Variants in PTPRD observed in about 807,000 individuals in gnomAD.
PTPRD encodes protein tyrosine phosphatase receptor type D, also known as receptor-type tyrosine-protein phosphatase delta.
Under a neutral mutation model 214.5 loss-of-function variants are expected in PTPRD, and 34 were observed. That is an observed-to-expected ratio of 0.16 (90% CI 0.12 to 0.21). PTPRD has a LOEUF of 0.21. Among genes scored for constraint, PTPRD ranks in the 10% least tolerant of loss-of-function variants. The probability of loss-of-function intolerance (pLI) is 1.00; values close to 1 mark genes in which losing one functional copy is unlikely to be tolerated. For missense variants in PTPRD, 2,545 were observed against 2,398.7 expected, an observed-to-expected ratio of 1.06 and a Z score of -1.27; for synonymous variants, 1,128 against 845.7, an observed-to-expected ratio of 1.33 and a Z score of -5.79.
At chr9:9,923,849 G>T (rs559455570) in intron 5 of PTPRD, among the ~76,000 whole-genome samples, 1 of 152,034 alleles carries the variant, frequency 6.6e-6, no homozygotes, top group Admixed American at 6.6e-5. Context: ...CAAGGAGAAT[G>T]AAGTGCGATC....
chr9:8,446,014 G>C (rs1203031910), intron 34 of PTPRD, among the ~76,000 whole-genome samples: 1 of 152,176 alleles, frequency 6.6e-6, no homozygotes, highest in South Asian at 2.1e-4. Context: ...CAGTGTCAGA[G>C]AGTGACTTGA....
chr9:9,714,997 G>C (rs369844914), intron 7 of PTPRD, among the ~76,000 whole-genome samples: 99 of 152,134 alleles, frequency 6.5e-4, no homozygotes, highest in African/African-American at 2.2e-3. Context: ...TCAGCTTTTA[G>C]GGGAAGAAGA....
chr9:9,097,777 G>A (rs1315626237), intron 10 of PTPRD, among the ~76,000 whole-genome samples: 5 of 151,750 alleles, frequency 3.3e-5, no homozygotes, highest in African/African-American at 4.8e-5. Context: ...CAGATCTTGT[G>A]AGCAGAAGAC....
intron 7 of PTPRD, among the ~76,000 whole-genome samples, chr9:9,708,285 G>C (rs2097663595): frequency 6.6e-6 from 1 of 152,006 alleles, no homozygotes; most frequent in Non-Finnish European, 1.5e-5. Context: ...CTCTCTACCT[G>C]GAGTTTCTCT....
intron 2 of PTPRD, among the ~76,000 whole-genome samples, chr9:10,488,234 G>A (rs543728079): frequency 8.1e-4 from 123 of 152,092 alleles, no homozygotes; most frequent in South Asian, 2.3e-3. Flanking sequence ...GGGCGCGGTG[G>A]CGGGCGCCTG....
At chr9:9,394,858 A>C (rs980814925) in intron 9 of PTPRD, among the ~76,000 whole-genome samples, 12 of 151,916 alleles carry the variant, frequency 7.9e-5, no homozygotes, top group Admixed American at 2.6e-4. Context: ...ATCCCTGCCC[A>C]CTCTACTCCT....
intron 2 of PTPRD, among the ~76,000 whole-genome samples, chr9:10,477,046 C>G (rs1476016662): frequency 6.6e-6 from 1 of 152,064 alleles, no homozygotes; most frequent in Non-Finnish European, 1.5e-5. Context: ...GAAACCTAGG[C>G]AATACCATTC....
chr9:9,614,194 T>G (rs2094711818), intron 7 of PTPRD, among the ~76,000 whole-genome samples: 1 of 151,956 alleles, frequency 6.6e-6, no homozygotes, highest in Non-Finnish European at 1.5e-5. Context: ...TTGCCAGAGA[T>G]TACAAAGTGG....
chr9:9,888,001 C>T (rs957362799), intron 5 of PTPRD, among the ~76,000 whole-genome samples: 8 of 152,048 alleles, frequency 5.3e-5, no homozygotes, highest in East Asian at 1.9e-4. Flanking sequence ...TGACACCTGA[C>T]GAAGGGCAAG....
At chr9:8,791,967 G>C (rs2096252271) in intron 11 of PTPRD, among the ~76,000 whole-genome samples, 1 of 152,162 alleles carries the variant, frequency 6.6e-6, no homozygotes, top group Non-Finnish European at 1.5e-5. Context: ...GGAGAGTGAA[G>C]GTCAGGGACT....
At chr9:9,032,596 T>C (rs1019360835) in intron 10 of PTPRD, among the ~76,000 whole-genome samples, 1 of 134,750 alleles carries the variant, frequency 7.4e-6, no homozygotes, top group African/African-American at 2.8e-5. Context: ...GATGCATAAA[T>C]AGAGGTGAGA....
chr9:9,490,446 C>T (rs2095848409), intron 8 of PTPRD, among the ~76,000 whole-genome samples: 1 of 152,062 alleles, frequency 6.6e-6, no homozygotes, highest in Non-Finnish European at 1.5e-5. Context: ...ATATATTACT[C>T]TAAAAGCTAG....
chr9:9,049,145 AC>A (rs1398686255), intron 10 of PTPRD, among the ~76,000 whole-genome samples: 1 of 152,156 alleles, frequency 6.6e-6, no homozygotes, highest in Non-Finnish European at 1.5e-5. Context: ...TCCTTGTAAA[AC>A]CTAAGGTCTA....
At chr9:9,910,174 C>T (rs559484555) in intron 5 of PTPRD, among the ~76,000 whole-genome samples, 150 of 151,934 alleles carry the variant, frequency 9.9e-4, no homozygotes, top group Non-Finnish European at 1.7e-3. Flanking sequence ...AAGTTACATA[C>T]AAAGTACTCA....
At chr9:9,226,331 G>A (rs1207193343) in intron 9 of PTPRD, among the ~76,000 whole-genome samples, 2 of 151,788 alleles carry the variant, frequency 1.3e-5, no homozygotes, top group African/African-American at 4.8e-5. Flanking sequence ...AATATCAGGG[G>A]ATTAAAGCAA....
chr9:9,112,825 A>C (rs1206153909), intron 10 of PTPRD, among the ~76,000 whole-genome samples: 1 of 152,170 alleles, frequency 6.6e-6, no homozygotes, highest in African/African-American at 2.4e-5. Flanking sequence ...TCATGGGACC[A>C]TAGCAAATAT....
chr9:8,832,001 A>G (rs2097302096), intron 11 of PTPRD, among the ~76,000 whole-genome samples: 1 of 152,134 alleles, frequency 6.6e-6, no homozygotes, highest in Non-Finnish European at 1.5e-5. Context: ...TTTGAACAGC[A>G]TGACAGATAA....
chr9:8,713,348 T>G (rs1360321952), intron 12 of PTPRD: 6 of 974,852 alleles, frequency 6.2e-6, no homozygotes, highest in Non-Finnish European at 9.7e-6. Flanking sequence ...TACAAAGTAG[T>G]GGGTCGCCGC....
intron 3 of PTPRD, among the ~76,000 whole-genome samples, chr9:10,042,270 T>A (rs10809021): frequency 0.32 from 48,037 of 151,840 alleles, 8,512 homozygotes; most frequent in East Asian, 0.6. Context: ...TGCCATACTA[T>A]TATGCAGTTC....
Sources: gnomAD v4.1 joint callset for allele counts (sites outside exome capture counted in the v4.1 genomes callset) on GRCh38, gnomAD v4.1.1 for gene constraint, MANE v1.5 for transcripts, NCBI Gene and HGNC (gene_info 2026-07-23, HGNC 2026-07-21) for gene names.